Variants in GPHN observed in about 807,000 individuals in gnomAD.
GPHN encodes the protein gephyrin.
Under a neutral mutation model 95.5 loss-of-function variants are expected in GPHN, and 17 were observed. The ratio of observed to expected loss-of-function variants is 0.18; its 90% confidence interval spans 0.12 to 0.27. The LOEUF is 0.27. Among genes scored for constraint, GPHN ranks in the 10% least tolerant of loss-of-function variants. GPHN has a pLI of 1.00. For missense variants in GPHN, 660 were observed against 978.1 expected, an observed-to-expected ratio of 0.67 and a Z score of 4.34; for synonymous variants, 320 against 322.5, an observed-to-expected ratio of 0.99 and a Z score of 0.08.
At chr14:67,006,728 G>A (rs975886588) in intron 9 of GPHN, among the ~76,000 whole-genome samples, 1 of 152,150 alleles carries the variant, frequency 6.6e-6, no homozygotes, top group Admixed American at 6.6e-5. Context: ...ATCATCAGTT[G>A]TGGAGGTTAG....
chr14:66,908,597 T>A (rs1478976932), intron 5 of GPHN, among the ~76,000 whole-genome samples: 1 of 152,080 alleles, frequency 6.6e-6, no homozygotes, highest in East Asian at 1.9e-4. Context: ...ATACAGTGAC[T>A]TCCTTCCAAA....
the GPHN span, among the ~76,000 whole-genome samples, chr14:67,272,816 G>A: frequency 0.012 from 1,835 of 152,138 alleles, 19 homozygotes; most frequent in Non-Finnish European, 0.018. Flanking sequence ...AAGCCACCAT[G>A]GCTGGATAAT....
At chr14:66,526,423 GCAAA>G (rs2058695063) in intron 1 of GPHN, among the ~76,000 whole-genome samples, 1 of 152,176 alleles carries the variant, frequency 6.6e-6, no homozygotes, top group African/African-American at 2.4e-5. Context: ...CATGTTATCT[GCAAA>G]CAGAGACAAT....
chr14:67,575,826 C>T, the GPHN span: 1 of 1,612,812 alleles, frequency 6.2e-7, no homozygotes, highest in African/African-American at 1.3e-5. Context: ...TCCACAGCGA[C>T]CCCTGGGCTG....
At chr14:66,629,217 A>G (rs8016923) in intron 1 of GPHN, among the ~76,000 whole-genome samples, 11,298 of 106,654 alleles carry the variant, frequency 0.11, 2,643 homozygotes, top group African/African-American at 0.46. Context: ...ATTTATATAC[A>G]TATATAAATA....
At chr14:67,556,009 A>C in the GPHN span, 11 of 1,271,288 alleles carry the variant, frequency 8.7e-6, no homozygotes, top group East Asian at 2.6e-5. Context: ...ACCTGAACAA[A>C]TGAGTGTGCG....
chr14:67,008,105 G>A (rs141223884), intron 9 of GPHN, among the ~76,000 whole-genome samples: 16 of 152,182 alleles, frequency 1.1e-4, no homozygotes, highest in African/African-American at 3.9e-4. Context: ...GTCTGAAATC[G>A]CTTTGGCTTC....
intron 12 of GPHN, among the ~76,000 whole-genome samples, chr14:67,095,657 T>C (rs1421672752): frequency 1.3e-5 from 2 of 152,080 alleles, no homozygotes; most frequent in Non-Finnish European, 2.9e-5. Flanking sequence ...GAAATCATCA[T>C]TCTCAGTAAA....
At chr14:67,199,965 C>A in the GPHN span, 2 of 1,235,954 alleles carry the variant, frequency 1.6e-6, no homozygotes, top group South Asian at 1.6e-5. Context: ...GAGGAGTGCC[C>A]CATCCAGGGA....
the GPHN span, chr14:67,587,300 G>A: frequency 1.3e-6 from 2 of 1,571,154 alleles, no homozygotes; most frequent in Non-Finnish European, 1.8e-6. Flanking sequence ...TATATCCTAG[G>A]GTATGATACT....
At chr14:67,330,991 A>G in the GPHN span, among the ~76,000 whole-genome samples, 12 of 152,142 alleles carry the variant, frequency 7.9e-5, no homozygotes, top group African/African-American at 2.9e-4. Flanking sequence ...TTTTTGGTGT[A>G]GAGGATGGTG....
chr14:66,957,448 G>A lies in GPHN; in HGVS notation c.829-7743G>A, dbSNP rs75206834. Among the ~76,000 whole-genome samples, 43 of 151,836 alleles carry A rather than the reference G, an allele frequency of 2.8e-4. No homozygotes were observed. The East Asian group carries it at 6.4e-3, about 23-fold the overall frequency. ...TGACCTCAGGTGATCCACCCACCTC[G>A]GCCTCCCAAATTGTTGGGATTACAG... On this transcript the variant is annotated intron_variant, in intron 8 of 22. Transcript: ENST00000478722.
At chr14:67,334,348 G>C in the GPHN span, 1 of 152,542 alleles carries the variant, frequency 6.6e-6, no homozygotes, top group African/African-American at 2.4e-5. Flanking sequence ...AAGCCTTTAG[G>C]ATAGTGTGAT....
At chr14:67,434,520 T>A in the GPHN span, among the ~76,000 whole-genome samples, 1 of 152,342 alleles carries the variant, frequency 6.6e-6, no homozygotes, top group South Asian at 2.1e-4. Flanking sequence ...GAATCGCTGA[T>A]GGGAGCCTGG....
the GPHN span, among the ~76,000 whole-genome samples, chr14:67,373,537 C>T: frequency 6.6e-6 from 1 of 152,218 alleles, no homozygotes; most frequent in East Asian, 1.9e-4. Flanking sequence ...CACAGACATG[C>T]TGTCCTCCAG....
chr14:66,725,365 T>C (rs1348178312), intron 2 of GPHN, among the ~76,000 whole-genome samples: 2 of 152,200 alleles, frequency 1.3e-5, no homozygotes, highest in Admixed American at 6.5e-5. Flanking sequence ...AGTTCTAATC[T>C]TTTTTTCCCT....
chr14:67,352,742 T>G, the GPHN span: 5 of 531,368 alleles, frequency 9.4e-6, no homozygotes, highest in African/African-American at 5.9e-5. Context: ...GCAGGCAAGA[T>G]TAAAGAGTTT....
At chr14:67,545,682 T>C in the GPHN span, among the ~76,000 whole-genome samples, 1 of 152,198 alleles carries the variant, frequency 6.6e-6, no homozygotes, top group Non-Finnish European at 1.5e-5. Flanking sequence ...TGGATAAACA[T>C]ATTCAGTGTA....
intron 1 of GPHN, among the ~76,000 whole-genome samples, chr14:66,613,862 C>T (rs966338189): frequency 6.6e-6 from 1 of 152,044 alleles, no homozygotes; most frequent in Non-Finnish European, 1.5e-5. Flanking sequence ...ATTTTAAATT[C>T]TTATTATTAA....
Sources: gnomAD v4.1 joint callset for allele counts (sites outside exome capture counted in the v4.1 genomes callset) on GRCh38, gnomAD v4.1.1 for gene constraint, MANE v1.5 for transcripts, NCBI Gene and HGNC (gene_info 2026-07-23, HGNC 2026-07-21) for gene names.